PUS10: variants seen among roughly 807,000 people sequenced by gnomAD.
PUS10 encodes pseudouridine synthase 10.
PUS10 carries 59 observed loss-of-function variants against 75.0 expected under a neutral mutation model. The ratio of observed to expected loss-of-function variants is 0.79; its 90% CI spans 0.64 to 0.98. The LOEUF is 0.98. PUS10 is among the 50% of genes least tolerant of loss of function. PUS10 has a pLI of 0.00. For missense variants in PUS10, 650 were observed against 614.4 expected (o/e 1.06, Z -0.61); for synonymous variants, 219 against 211.6 (o/e 1.03, Z -0.30).
intron 4 of PUS10, among the ~76,000 whole-genome samples, chr2:60,992,395 T>A (rs1029364954): frequency 1.3e-5 from 2 of 152,162 alleles, no homozygotes; most frequent in African/African-American, 4.8e-5. Flanking sequence ...AGCTACTGAT[T>A]TACTCAATAG....
Position 61,004,025 on chromosome 2 carries a change from T to C in PUS10, c.468+2532A>G, listed in dbSNP as rs529615428. Among the ~76,000 whole-genome samples, 14 of 152,290 alleles carry C rather than the reference T, an allele frequency of 9.2e-5. No homozygotes were observed. The East Asian group carries it at 2.1e-3, about 23-fold the overall frequency. On this transcript the variant is annotated intron_variant, in intron 4 of 17. Coordinates refer to ENST00000316752, the MANE Select transcript of PUS10 (RefSeq NM_144709.4). ...ACTCAATTATATATTCTGGTGTGAATTATGAGATAATTGACATCAATCAAT... is the reference window on the plus strand; with the variant it reads ...ACTCAATTATATATTCTGGTGTGAACTATGAGATAATTGACATCAATCAAT...
Position 60,948,178 on chromosome 2 carries a change from T to C in PUS10, c.1316A>G (p.Lys439Arg), listed in dbSNP as rs1340640210. The C allele has an allele frequency of 1.2e-6, 2 of 1,614,030 alleles. No individual in the cohort carries two copies. The highest frequency in any genetic ancestry group is 2.2e-5 in the East Asian group (1 of 44,880). ...IEFLNDIKDL[K>R]IDQKTPLRVL... The stretch of plus-strand genomic sequence containing the variant: ...GCGCAAAGGTGTTTTCTGGTCGATT[T>C]TTAAGTCCTAGGGGAGAATATGACA... The change falls in exon 16 of 18, where the codon AAA (lysine) becomes AGA (arginine). Residue 439 changes from lysine to arginine, a missense_variant. By Grantham distance (26) the Lys-to-Arg change is conservative (BLOSUM62 2). Coordinates refer to ENST00000316752, the MANE Select transcript of PUS10 (RefSeq NM_144709.4).
chr2:60,986,176 T>A (rs1194863435), intron 4 of PUS10, among the ~76,000 whole-genome samples: 1 of 152,164 alleles, frequency 6.6e-6, no homozygotes, highest in Non-Finnish European at 1.5e-5. Context: ...CTCCCATACA[T>A]TTTTAAAGAC....
intron 3 of PUS10, 47 bp from the exon 4 acceptor site, chr2:61,006,690 TATTA>T (rs1679235015): frequency 7.0e-7 from 1 of 1,420,290 alleles, no homozygotes; most frequent in South Asian, 1.2e-5. Flanking sequence ...TTGCTGAAAA[TATTA>T]CTTACCCTAA....
chr2:61,011,625 A>C (rs946505815), intron 2 of PUS10, 140 bp downstream of exon 2: 9 of 583,822 alleles, frequency 1.5e-5, no homozygotes, highest in Non-Finnish European at 2.4e-5. Flanking sequence ...AAAATTATGA[A>C]TATCACTCAT....
chr2:61,006,093 G>C (rs1447595866), intron 4 of PUS10, among the ~76,000 whole-genome samples: 1 of 152,016 alleles, frequency 6.6e-6, no homozygotes, highest in Admixed American at 6.6e-5. Flanking sequence ...AAAAAATGAG[G>C]CCATTTCTCT....
At chr2:60,998,313 G>C (rs188114290) in intron 4 of PUS10, among the ~76,000 whole-genome samples, 1 of 152,260 alleles carries the variant, frequency 6.6e-6, no homozygotes, top group Non-Finnish European at 1.5e-5. Flanking sequence ...TTCTGAATGA[G>C]ATCAATAATC....
Position 61,018,117 on chromosome 2 carries a change from A to AG in PUS10, c.-126dup, listed in dbSNP as rs1458494904. On this transcript the variant is annotated 5_prime_UTR_variant, in exon 1 of 18. Transcript: ENST00000316752. ...CTCTGGGTCTCTGTGCTTGAAAGAA[A>AG]GGGGGGCGGCTTCCTACCTACCGCT... 5 of 1,546,830 alleles carry AG rather than the reference A, an allele frequency of 3.2e-6. No homozygotes were observed. The South Asian group carries it at 3.6e-5, about 11-fold the overall frequency.
At chr2:61,013,805 A>C (rs1679790236) in intron 1 of PUS10, among the ~76,000 whole-genome samples, 1 of 152,036 alleles carries the variant, frequency 6.6e-6, no homozygotes, top group African/African-American at 2.4e-5. Context: ...TGGGCAGATC[A>C]CTTGAGGTCA....
At chr2:60,971,467 G>T in intron 5 of PUS10, 56 bp downstream of exon 5, 2 of 1,481,836 alleles carry the variant, frequency 1.3e-6, no homozygotes, top group Non-Finnish European at 1.9e-6. Context: ...AGTGCTTTAA[G>T]AACCAGGTAG....
At chr2:61,016,614 C>T (rs898873668) in intron 1 of PUS10, among the ~76,000 whole-genome samples, 26 of 152,182 alleles carry the variant, frequency 1.7e-4, no homozygotes, top group Non-Finnish European at 2.9e-5. Flanking sequence ...AGCCGCCTTT[C>T]ATGTGTCAGG....
intron 4 of PUS10, among the ~76,000 whole-genome samples, chr2:61,002,251 A>G (rs572748611): frequency 5.7e-4 from 87 of 152,350 alleles, no homozygotes; most frequent in African/African-American, 2.0e-3. Flanking sequence ...CTTTAGGAAA[A>G]GAAACAGTTC....
chr2:60,967,030 T>C (rs1414631129), intron 6 of PUS10: 1 of 153,440 alleles, frequency 6.5e-6, no homozygotes, highest in Non-Finnish European at 1.5e-5. Context: ...AGTTACTGCC[T>C]AAAAGTAAAC....
chr2:60,990,774 C>A (rs1019744590), intron 4 of PUS10, among the ~76,000 whole-genome samples: 2 of 152,192 alleles, frequency 1.3e-5, no homozygotes, highest in African/African-American at 4.8e-5. Context: ...GAGACAGGGT[C>A]TCACTCTGTT....
At chr2:60,981,676 C>G (rs1463554222) in intron 4 of PUS10, among the ~76,000 whole-genome samples, 1 of 152,120 alleles carries the variant, frequency 6.6e-6, no homozygotes, top group Non-Finnish European at 1.5e-5. Context: ...ATATATTTTT[C>G]AAACAAAATA....
chr2:60,986,967 T>C (rs6708713), intron 4 of PUS10, among the ~76,000 whole-genome samples: 9,652 of 152,250 alleles, frequency 0.063, 1,052 homozygotes, highest in African/African-American at 0.22. Context: ...TATGAGAATG[T>C]TAATTGTTGT....
chr2:60,983,094 C>T (rs1034310870), intron 4 of PUS10, among the ~76,000 whole-genome samples: 6 of 152,060 alleles, frequency 3.9e-5, no homozygotes, highest in Non-Finnish European at 8.8e-5. Flanking sequence ...GGTCTCACTA[C>T]GTTGACCATG....
chr2:60,974,939 T>C (rs755588689), intron 4 of PUS10, among the ~76,000 whole-genome samples: 1 of 152,200 alleles, frequency 6.6e-6, no homozygotes, highest in Non-Finnish European at 1.5e-5. Context: ...GACGCCACTG[T>C]CCACAGAGGT....
At chr2:60,969,159 T>G (rs914397035) in intron 5 of PUS10, among the ~76,000 whole-genome samples, 1 of 152,204 alleles carries the variant, frequency 6.6e-6, no homozygotes, top group African/African-American at 2.4e-5. Flanking sequence ...AAAACCAGTG[T>G]TTTAAATCCT....
Sources: allele counts gnomAD v4.1 joint callset (sites outside exome capture counted in the v4.1 genomes callset), GRCh38; gene constraint gnomAD v4.1.1; transcripts MANE v1.5; gene names NCBI Gene and HGNC (gene_info 2026-07-23, HGNC 2026-07-21).